The following PRKAG2 variants were observed in gnomAD, a reference collection of about 807,000 sequenced individuals.
The protein encoded by PRKAG2 is 5'-AMP-activated protein kinase subunit gamma-2.
PRKAG2 carries 26 observed loss-of-function variants against 69.6 expected under a neutral mutation model. The observed-to-expected ratio is 0.37, with a 90% confidence interval of 0.27 to 0.52. The LOEUF (loss-of-function observed/expected upper bound fraction) is 0.52. Among genes scored for constraint, PRKAG2 ranks in the 20% least tolerant of loss-of-function variants. The pLI, the probability that PRKAG2 is intolerant of heterozygous loss-of-function variation, is 0.90. For missense variants in PRKAG2, 557 were observed against 740.0 expected (o/e 0.75, Z 2.87); for synonymous variants, 293 against 285.0 (o/e 1.03, Z -0.28).
In PRKAG2 at chr7:151,832,219, GGGAGGAGGGAAGGAGA is replaced by G. The variant is rs1275378339; in HGVS notation, c.114+44272_114+44287del. On this transcript the variant is annotated intron_variant, in intron 1 of 15. Transcript: ENST00000287878. ...GACTGATTAGAGGGAGGAAGAGGAG[GGGAGGAGGGAAGGAGA>G]GGAGGAGGGAAGGAAGGGAGGAGGG... Among the ~76,000 whole-genome samples, 352 of 119,508 alleles carry G rather than the reference GGGAGGAGGGAAGGAGA, an allele frequency of 2.9e-3. 2 individuals carry two copies. The highest frequency in any genetic ancestry group is 4.6e-3 in the Non-Finnish European group (242 of 52,978). 78.4% of individuals were successfully genotyped at this position (119,508 alleles called of 152,430 possible). A position where few individuals can be genotyped will look rare whatever the true frequency, so the allele number is the denominator to read the frequency against.
chr7:151,672,476 T>C (rs954210881), intron 4 of PRKAG2, among the ~76,000 whole-genome samples: 2 of 152,114 alleles, frequency 1.3e-5, no homozygotes, highest in Admixed American at 6.6e-5. Context: ...CACCATTCAT[T>C]GCCCCAACTC....
chr7:151,609,141 T>C (rs1818191611), intron 5 of PRKAG2, among the ~76,000 whole-genome samples: 1 of 152,234 alleles, frequency 6.6e-6, no homozygotes, highest in Non-Finnish European at 1.5e-5. Context: ...TTGAATTGAA[T>C]AAGATTGCAG....
At chr7:151,606,677 G>A (rs1055735103) in intron 5 of PRKAG2, among the ~76,000 whole-genome samples, 4 of 152,004 alleles carry the variant, frequency 2.6e-5, no homozygotes, top group East Asian at 3.9e-4. Context: ...AAAATCAGCC[G>A]GGCGTGGTGA....
intron 1 of PRKAG2, among the ~76,000 whole-genome samples, chr7:151,839,332 G>A (rs978192914): frequency 3.3e-5 from 5 of 152,332 alleles, no homozygotes; most frequent in African/African-American, 9.6e-5. Flanking sequence ...GCCGGGCACC[G>A]CGGTCGGAAC....
Position 151,814,209 on chromosome 7 carries a change from G to C in PRKAG2, c.115-27668C>G, listed in dbSNP as rs1005360358. ...TCACCAAGAAAAAGTTATGTAAGGA[G>C]AAAACATACAGCTTCCGTGGAGAGA... On this transcript the variant is annotated intron_variant, in intron 1 of 15. Coordinates refer to ENST00000287878, the MANE Select transcript of PRKAG2 (RefSeq NM_016203.4). This position sits in a 1 kb window ranked among gnomAD's most constrained non-coding sequence, Gnocchi z 4.8. Among the ~76,000 whole-genome samples, 5 of 152,190 alleles carry C rather than the reference G, an allele frequency of 3.3e-5. No homozygotes were observed. Among genetic ancestry groups the C allele is most frequent in the African/African-American group, 1.2e-4 (5 of 41,454 alleles).
Position 151,814,874 on chromosome 7 carries a change from T to C in PRKAG2, c.115-28333A>G, listed in dbSNP as rs2078595256. 2 of 1,231,602 alleles carry C rather than the reference T, an allele frequency of 1.6e-6. No homozygotes were observed. Among genetic ancestry groups the C allele is most frequent in the African/African-American group, 3.1e-5 (2 of 64,414 alleles). 76.3% of individuals were successfully genotyped at this position (1,231,602 alleles called of 1,614,324 possible). A position where few individuals can be genotyped will look rare whatever the true frequency, so the allele number is the denominator to read the frequency against. ...CAGGCGCTGCTGGGGAGGAAACTCC[T>C]TACCACACAGCAAGCCAGCAGGAGG... On this transcript the variant is annotated intron_variant, in intron 1 of 15. Coordinates refer to ENST00000287878, the MANE Select transcript of PRKAG2 (RefSeq NM_016203.4). The surrounding 1 kb of genome is among the most constrained non-coding windows in gnomAD (Gnocchi z 4.8).
In PRKAG2 at chr7:151,699,929, C is replaced by T. The variant is rs905754792; in HGVS notation, c.467-24292G>A. ...AGGGGCAGTGCTCTGCTGCCACAGG[C>T]GGCCGCAGATGGGTGCCCCCACATT... On this transcript the variant is annotated intron_variant, in intron 3 of 15. Coordinates refer to ENST00000287878, the MANE Select transcript of PRKAG2 (RefSeq NM_016203.4). The surrounding 1 kb of genome is among the most constrained non-coding windows in gnomAD (Gnocchi z 4.5). Among the ~76,000 whole-genome samples, 7 of 152,114 alleles carry T rather than the reference C, an allele frequency of 4.6e-5. No individual in the cohort carries two copies. The highest frequency in any genetic ancestry group is 8.8e-5 in the Non-Finnish European group (6 of 68,006).
intron 6 of PRKAG2, among the ~76,000 whole-genome samples, chr7:151,584,666 C>G (rs896257357): frequency 6.6e-6 from 1 of 152,166 alleles, no homozygotes; most frequent in African/African-American, 2.4e-5. Flanking sequence ...GAGGCCGCAG[C>G]GCTGAGGATC....
intron 3 of PRKAG2, among the ~76,000 whole-genome samples, chr7:151,701,720 T>C (rs1837719716): frequency 6.6e-6 from 1 of 151,676 alleles, no homozygotes. Context: ...TGGGCACCTG[T>C]AGTCCCCAGC....
intron 4 of PRKAG2, among the ~76,000 whole-genome samples, chr7:151,635,906 C>T (rs193069737): frequency 4.8e-5 from 7 of 146,212 alleles, no homozygotes; most frequent in African/African-American, 1.5e-4. Context: ...CTCGCTTTGT[C>T]CCCCAGGCTG....
At chr7:151,608,129 A>G (rs2151200510) in intron 5 of PRKAG2, among the ~76,000 whole-genome samples, 1 of 152,294 alleles carries the variant, frequency 6.6e-6, no homozygotes, top group South Asian at 2.1e-4. Flanking sequence ...GACTGCCGGC[A>G]ACAGCAGGAG....
intron 3 of PRKAG2, among the ~76,000 whole-genome samples, chr7:151,769,911 CT>C (rs2075937197): frequency 6.6e-6 from 1 of 152,182 alleles, no homozygotes. Flanking sequence ...AATTCAGTAC[CT>C]TTTGAGAAAT....
At chr7:151,630,467 T>C (rs184301133) in intron 5 of PRKAG2, among the ~76,000 whole-genome samples, 3 of 152,350 alleles carry the variant, frequency 2.0e-5, no homozygotes, top group Non-Finnish European at 1.5e-5. Flanking sequence ...TGTTTTTAAA[T>C]GCCATGATAC....
Position 151,557,191 on chromosome 7 carries a change from T to A in PRKAG2, c.*10A>T. On this transcript the variant is annotated 3_prime_UTR_variant, in exon 16 of 16. Coordinates refer to ENST00000287878, the MANE Select transcript of PRKAG2 (RefSeq NM_016203.4). ...AAGTTCTCCTCCTAGGGCGTCTACA[T>A]TCACGGCGGTCACTCCGTTTCTGTC... 6.2e-7 allele frequency: 1 copy of A among 1,614,176 alleles called. No individual in the cohort carries two copies. Among genetic ancestry groups the A allele is most frequent in the Non-Finnish European group, 8.5e-7 (1 of 1,180,022 alleles).
chr7:151,822,024 T>A (rs1321666006), intron 1 of PRKAG2, among the ~76,000 whole-genome samples: 3 of 152,208 alleles, frequency 2.0e-5, no homozygotes, highest in Non-Finnish European at 4.4e-5. Flanking sequence ...CCCAGTGCGT[T>A]CCAGTGCCGC....
chr7:151,797,355 C>T (rs539591241), intron 1 of PRKAG2, among the ~76,000 whole-genome samples: 12 of 152,062 alleles, frequency 7.9e-5, no homozygotes, highest in African/African-American at 2.7e-4. Flanking sequence ...ACCCTGGGGA[C>T]ATTTTTGTAA....
Position 151,639,298 on chromosome 7 carries a change from G to A in PRKAG2, c.685-7160C>T, listed in dbSNP as rs1334832995. ...TCCATTTTCTCAGGGTTGGCCAGCCGGGCAGCTTGAGCTCCTCCAGTCTTG... is the reference window on the plus strand; with the variant it reads ...TCCATTTTCTCAGGGTTGGCCAGCCAGGCAGCTTGAGCTCCTCCAGTCTTG... On this transcript the variant is annotated intron_variant, in intron 4 of 15. Coordinates refer to ENST00000287878, the MANE Select transcript of PRKAG2 (RefSeq NM_016203.4). 1.1e-4 allele frequency among the ~76,000 whole-genome samples: 17 copies of A among 152,260 alleles called. No homozygotes were observed. In the East Asian group the frequency reaches 3.1e-3, roughly 28 times the overall value.
intron 3 of PRKAG2, among the ~76,000 whole-genome samples, chr7:151,728,082 C>T (rs1357166731): frequency 1.3e-5 from 2 of 152,108 alleles, no homozygotes; most frequent in Admixed American, 6.5e-5. Flanking sequence ...TGTTTGACCA[C>T]GGGCCTGACC....
intron 13 of PRKAG2, among the ~76,000 whole-genome samples, chr7:151,564,932 C>G (rs1805891540): frequency 6.6e-6 from 1 of 152,086 alleles, no homozygotes; most frequent in Non-Finnish European, 1.5e-5. Context: ...GTGTCAGTCC[C>G]CTTTTCTTCT....
Sources: gnomAD v4.1 joint callset for allele counts (sites outside exome capture counted in the v4.1 genomes callset) on GRCh38, gnomAD v4.1.1 for gene constraint, Gnocchi (gnomAD v3.1) non-coding constraint, MANE v1.5 for transcripts, NCBI Gene and HGNC (gene_info 2026-07-23, HGNC 2026-07-21) for gene names.